LRP1B: variants seen among roughly 807,000 people sequenced by gnomAD.
LRP1B encodes the protein low-density lipoprotein receptor-related protein 1B.
A neutral mutation model predicts 556.6 loss-of-function variants in LRP1B; 217 were observed. That is an observed-to-expected ratio of 0.39 (90% CI 0.35 to 0.44). The LOEUF (loss-of-function observed/expected upper bound fraction) is 0.44, where lower values mean the gene tolerates loss of function less well. LRP1B is among the 20% of genes least tolerant of loss of function. The pLI, the probability that LRP1B is intolerant of heterozygous loss-of-function variation, is 1.00. For missense variants in LRP1B, 5,053 were observed against 5,620.8 expected, an observed-to-expected ratio of 0.90 and a Z score of 3.23; for synonymous variants, 2,047 against 1,865.8, an observed-to-expected ratio of 1.10 and a Z score of -2.50.
intron 2 of LRP1B, among the ~76,000 whole-genome samples, chr2:141,805,943 C>T (rs1027243625): frequency 1.3e-5 from 2 of 151,956 alleles, no homozygotes; most frequent in Non-Finnish European, 2.9e-5. Context: ...AGTCATTATG[C>T]CCAAAACATG....
intron 3 of LRP1B, among the ~76,000 whole-genome samples, chr2:141,415,935 A>G (rs900521376): frequency 6.6e-6 from 1 of 152,200 alleles, no homozygotes; most frequent in African/African-American, 2.4e-5. Flanking sequence ...GAAGCAGGGA[A>G]GATTGAGAAC....
chr2:141,059,127 A>G (rs1699268250), intron 8 of LRP1B, 73 bp from the exon 9 acceptor site: 7 of 962,562 alleles, frequency 7.3e-6, no homozygotes, highest in Non-Finnish European at 1.0e-5. Context: ...GCTGATTGCT[A>G]TTTACTAGTA....
Position 141,611,513 on chromosome 2 carries a change from C to A in LRP1B, c.206-130980G>T, listed in dbSNP as rs73965730. On this transcript the variant is annotated intron_variant, in intron 2 of 90. Coordinates refer to ENST00000389484, the MANE Select transcript of LRP1B (RefSeq NM_018557.3). ...GTATTGAAACCTGAGAAGAAAAGAG[C>A]GCAGCCTTAAATGCTATTACTCTGC... 5.9e-3 allele frequency among the ~76,000 whole-genome samples: 900 copies of A among 152,146 alleles called. 8 individuals are homozygous for A. Among genetic ancestry groups the A allele is most frequent in the African/African-American group, 0.02 (845 of 41,508 alleles).
intron 84 of LRP1B, among the ~76,000 whole-genome samples, chr2:140,276,654 C>G (rs1682684305): frequency 6.6e-6 from 1 of 151,910 alleles, no homozygotes; most frequent in African/African-American, 2.4e-5. Context: ...ATAAAAAGCT[C>G]TTTTAATATT....
intron 11 of LRP1B, among the ~76,000 whole-genome samples, chr2:141,044,606 C>T (rs1381465709): frequency 2.6e-5 from 4 of 151,702 alleles, no homozygotes; most frequent in Middle Eastern, 3.2e-3. Flanking sequence ...AAAAAGTGGG[C>T]AAAGGACATG....
intron 23 of LRP1B, chr2:140,898,843 C>A: frequency 2.1e-6 from 1 of 479,224 alleles, no homozygotes; most frequent in Non-Finnish European, 4.2e-6. Flanking sequence ...TTCCAAGAAC[C>A]AGATCTGAAG....
chr2:141,386,170 A>G (rs1334232004), intron 3 of LRP1B, among the ~76,000 whole-genome samples: 1 of 152,174 alleles, frequency 6.6e-6, no homozygotes, highest in Non-Finnish European at 1.5e-5. Flanking sequence ...GGTGTGTATG[A>G]AACAAAAATT....
chr2:140,534,301 T>C (rs929979728), intron 46 of LRP1B, among the ~76,000 whole-genome samples, 161 bp from the exon 47 acceptor site: 2 of 152,164 alleles, frequency 1.3e-5, no homozygotes, highest in Non-Finnish European at 2.9e-5. Flanking sequence ...TTATGTGTTG[T>C]CAAAGAGCAG....
intron 66 of LRP1B, among the ~76,000 whole-genome samples, chr2:140,389,265 T>G (rs1456333012): frequency 6.6e-6 from 1 of 152,002 alleles, no homozygotes; most frequent in Non-Finnish European, 1.5e-5. Context: ...GTAATATTAT[T>G]GGTGTTTGTA....
intron 1 of LRP1B, among the ~76,000 whole-genome samples, chr2:141,939,082 T>A (rs2105010686): frequency 6.6e-6 from 1 of 152,150 alleles, no homozygotes; most frequent in East Asian, 1.9e-4. Context: ...TACAGCCTGA[T>A]CATTATAGTT....
intron 46 of LRP1B, 35 bp from the exon 47 acceptor site, chr2:140,534,175 T>G: frequency 6.3e-7 from 1 of 1,575,824 alleles, no homozygotes; most frequent in Non-Finnish European, 8.7e-7. Flanking sequence ...CAACCAGAGA[T>G]CATATAGAAA....
chr2:140,285,024 GTGTA>G (rs1683079915), intron 84 of LRP1B, among the ~76,000 whole-genome samples: 1 of 144,784 alleles, frequency 6.9e-6, no homozygotes, highest in Non-Finnish European at 1.5e-5. Flanking sequence ...GTGTGTGTGT[GTGTA>G]TATATATATA....
chr2:141,894,206 T>C (rs1314055305), intron 1 of LRP1B, among the ~76,000 whole-genome samples: 6 of 152,132 alleles, frequency 3.9e-5, no homozygotes, highest in Non-Finnish European at 7.3e-5. Context: ...ATGAAGGCAA[T>C]TCGTTAACAG....
rs539067525 is a variant in LRP1B, at chr2:141,234,085, C to T, written c.593-4645G>A. Among the ~76,000 whole-genome samples, 6 of 151,998 alleles carry T rather than the reference C, an allele frequency of 3.9e-5. No homozygotes were observed. In the South Asian group the frequency reaches 1.0e-3, roughly 26 times the overall value. ...AAAGTACATAAAATGGAGAGTCAGA[C>T]TAATATGGTGATAAAACAGAAAGTT... On this transcript the variant is annotated intron_variant, in intron 5 of 90. Coordinates refer to ENST00000389484, the MANE Select transcript of LRP1B (RefSeq NM_018557.3).
At chr2:141,498,356 C>CTTTTTTTTTTT (rs67454706) in intron 2 of LRP1B, among the ~76,000 whole-genome samples, 2 of 144,088 alleles carry the variant, frequency 1.4e-5, no homozygotes, top group Non-Finnish European at 1.5e-5. Context: ...CTTTAAAATC[C>CTTTTTTTTTTT]TTTTTTTTTT....
rs537346290 is a variant in LRP1B, at chr2:141,019,525, C to T, written c.1970+397G>A. 1.9e-3 allele frequency among the ~76,000 whole-genome samples: 291 copies of T among 152,138 alleles called. 1 individual carries two copies. The highest frequency in any genetic ancestry group is 3.8e-3 in the Non-Finnish European group (259 of 67,966). On this transcript the variant is annotated intron_variant, in intron 12 of 90. Transcript: ENST00000389484. ...CAGAGTAACCCATTTAATAAAACGT[C>T]TGACCTCTAGGAAATGTATAAAACT...
intron 27 of LRP1B, among the ~76,000 whole-genome samples, chr2:140,866,944 G>T (rs1175993798): frequency 1.3e-5 from 2 of 152,038 alleles, no homozygotes; most frequent in Admixed American, 6.6e-5. Context: ...AATCTAAAAT[G>T]AAAACATGCT....
chr2:141,811,388 G>C (rs1696352100), intron 1 of LRP1B, among the ~76,000 whole-genome samples: 2 of 151,778 alleles, frequency 1.3e-5, no homozygotes, highest in Admixed American at 1.3e-4. Context: ...AAAATTCTAA[G>C]TGATATGAAA....
intron 2 of LRP1B, among the ~76,000 whole-genome samples, chr2:141,761,219 G>T (rs1212866540): frequency 6.6e-6 from 1 of 152,120 alleles, no homozygotes; most frequent in Non-Finnish European, 1.5e-5. Flanking sequence ...TGGCACCTGA[G>T]TGAAAACTAT....
Sources: allele counts gnomAD v4.1 joint callset (sites outside exome capture counted in the v4.1 genomes callset), GRCh38; gene constraint gnomAD v4.1.1; transcripts MANE v1.5; gene names NCBI Gene and HGNC (gene_info 2026-07-23, HGNC 2026-07-21).